Variants in SLF1 observed in about 807,000 individuals in gnomAD.
SLF1 encodes the protein SMC5/6 complex localization factor 1.
SLF1 carries 105 observed loss-of-function variants against 123.0 expected under a neutral mutation model. The observed-to-expected ratio is 0.85, with a 90% CI of 0.73 to 1.00. The LOEUF (loss-of-function observed/expected upper bound fraction) is 1.00. Among genes scored for constraint, SLF1 ranks in the 50% least tolerant of loss-of-function variants. The probability of loss-of-function intolerance (pLI) is 0.00; values close to 1 mark genes in which losing one functional copy is unlikely to be tolerated. For synonymous variants in SLF1, 434 were observed against 406.6 expected, an observed-to-expected ratio of 1.07 and a Z score of -0.81; for missense variants, 1,239 against 1,223.0, an observed-to-expected ratio of 1.01 and a Z score of -0.20.
chr5:94,695,321 G>T lies in SLF1; in HGVS notation c.*9G>T. Reference sequence around the variant, plus strand: ...TCATGGAGTTTTCATGATGATGCTAGAAAGTATGGATTGACTTTCTAAATC... The same window carrying T: ...TCATGGAGTTTTCATGATGATGCTATAAAGTATGGATTGACTTTCTAAATC... On this transcript the variant is annotated 3_prime_UTR_variant, in exon 21 of 21. Coordinates refer to ENST00000265140, the MANE Select transcript of SLF1 (RefSeq NM_032290.4). 6.3e-7 allele frequency: 1 copy of T among 1,593,422 alleles called. No individual in the cohort carries two copies. Among genetic ancestry groups the T allele is most frequent in the South Asian group, 1.1e-5 (1 of 87,736 alleles).
chr5:94,643,248 T>A, intron 4 of SLF1, 25 bp from the exon 5 acceptor site: 1 of 1,474,290 alleles, frequency 6.8e-7, no homozygotes, highest in African/African-American at 1.4e-5. Context: ...TCTAATACTT[T>A]TATACCATTT....
intron 5 of SLF1, among the ~76,000 whole-genome samples, chr5:94,645,481 G>C (rs1197058983): frequency 6.6e-6 from 1 of 152,158 alleles, no homozygotes; most frequent in Non-Finnish European, 1.5e-5. Context: ...CACATTATCT[G>C]ATAGACCGCT....
intron 5 of SLF1, among the ~76,000 whole-genome samples, chr5:94,648,376 C>G (rs929040757): frequency 6.6e-6 from 1 of 152,178 alleles, no homozygotes; most frequent in African/African-American, 2.4e-5. Flanking sequence ...TGAGAGGGAA[C>G]TAAAGATCAC....
intron 9 of SLF1, among the ~76,000 whole-genome samples, chr5:94,660,252 C>G (rs889445228): frequency 6.6e-6 from 1 of 152,118 alleles, no homozygotes; most frequent in Non-Finnish European, 1.5e-5. Flanking sequence ...AGGCTGCATG[C>G]AGGTCTAATC....
chr5:94,656,975 G>A (rs934729552), intron 9 of SLF1, among the ~76,000 whole-genome samples: 6 of 148,602 alleles, frequency 4.0e-5, no homozygotes, highest in Admixed American at 4.0e-4. Context: ...ATTTTGTTTC[G>A]TTCTGCTCTT....
At chr5:94,670,311 T>C (rs980991868) in intron 13 of SLF1, 32 bp downstream of exon 13, 19 of 1,416,736 alleles carry the variant, frequency 1.3e-5, no homozygotes, top group Non-Finnish European at 1.7e-5. Flanking sequence ...AACACTTTTC[T>C]AAATTTTGGT....
At chr5:94,685,013 C>T (rs943634666) in intron 15 of SLF1, among the ~76,000 whole-genome samples, 3 of 152,214 alleles carry the variant, frequency 2.0e-5, no homozygotes, top group African/African-American at 7.2e-5. Flanking sequence ...AATAGCATCC[C>T]TTTCCCCAAT....
chr5:94,642,775 T>C (rs1160495901), intron 4 of SLF1, among the ~76,000 whole-genome samples: 1 of 152,136 alleles, frequency 6.6e-6, no homozygotes, highest in Non-Finnish European at 1.5e-5. Context: ...TCTAATTTTA[T>C]TTTTTTATTT....
At chr5:94,693,042 G>A (rs960450624) in intron 20 of SLF1, among the ~76,000 whole-genome samples, 18 of 152,004 alleles carry the variant, frequency 1.2e-4, no homozygotes, top group African/African-American at 4.1e-4. Flanking sequence ...ATTACTTGTC[G>A]TTTTTATTTG....
At chr5:94,681,473 AT>A (rs1413338676) in intron 15 of SLF1, among the ~76,000 whole-genome samples, 1 of 152,004 alleles carries the variant, frequency 6.6e-6, no homozygotes, top group Non-Finnish European at 1.5e-5. Flanking sequence ...TCAAATTAAT[AT>A]TTTTCTATTT....
At chr5:94,638,526 C>T (rs1196934283) in intron 4 of SLF1, among the ~76,000 whole-genome samples, 2 of 152,196 alleles carry the variant, frequency 1.3e-5, no homozygotes, top group East Asian at 1.9e-4. Context: ...TGTGCCATTA[C>T]CCCTTGTCCT....
intron 10 of SLF1, among the ~76,000 whole-genome samples, 161 bp from the exon 11 acceptor site, chr5:94,663,589 G>A (rs953560812): frequency 2.6e-5 from 4 of 152,224 alleles, no homozygotes; most frequent in African/African-American, 9.6e-5. Flanking sequence ...GGTTGCAAGT[G>A]AGCCGAGATC....
chr5:94,672,346 C>T (rs1041886593), intron 14 of SLF1, among the ~76,000 whole-genome samples: 3 of 152,028 alleles, frequency 2.0e-5, no homozygotes, highest in Non-Finnish European at 4.4e-5. Flanking sequence ...TTCCTCAGAT[C>T]CATTTTCTCT....
chr5:94,660,366 G>T (rs1748940788), intron 9 of SLF1, among the ~76,000 whole-genome samples: 1 of 152,168 alleles, frequency 6.6e-6, no homozygotes, highest in South Asian at 2.1e-4. Flanking sequence ...GTTGCAGTAG[G>T]CCAGGTAGGC....
At position 94,629,132 on chromosome 5, in the gene SLF1, G is replaced by A; in HGVS notation, c.155G>A (p.Cys52Tyr). 6.5e-7 allele frequency: 1 copy of A among 1,548,720 alleles called. No homozygotes were observed. Among genetic ancestry groups the A allele is most frequent in the Non-Finnish European group, 8.7e-7 (1 of 1,145,948 alleles). ...ACACATCTTATAGCTGAACGCCTAT[G>A]TAAGAGTGAAAAATTTTTAGCAGCT... ...NCTHLIAERL[C>Y]KSEKFLAACA... Residue 52 changes from cysteine to tyrosine, a missense_variant, in exon 3 of 21, where the codon TGT becomes TAT. Coordinates refer to ENST00000265140, the MANE Select transcript of SLF1 (RefSeq NM_032290.4).
Position 94,686,656 on chromosome 5 carries a change from A to G in SLF1, c.2059A>G (p.Lys687Glu). 6.2e-7 allele frequency: 1 copy of G among 1,614,130 alleles called. No individual in the cohort carries two copies. Among genetic ancestry groups the G allele is most frequent in the Non-Finnish European group, 8.5e-7 (1 of 1,179,984 alleles). ...LQMFVAEAVF[K>E]KLCLQSSGSV... ...AATGTTTGTTGCAGAGGCAGTCTTT[A>G]AAAAGTTGTGTCTACAGAGCTCTGG... The change falls in exon 16 of 21, where the codon AAA becomes GAA. Residue 687 changes from lysine to glutamate, a missense_variant. Coordinates refer to ENST00000265140, the MANE Select transcript of SLF1 (RefSeq NM_032290.4).
intron 16 of SLF1, among the ~76,000 whole-genome samples, chr5:94,687,143 G>T (rs996561922): frequency 3.3e-5 from 5 of 152,202 alleles, no homozygotes; most frequent in African/African-American, 1.2e-4. Context: ...TTTCAATTCT[G>T]TATAAAAGCT....
At chr5:94,626,536 C>A (rs998530613) in intron 1 of SLF1, among the ~76,000 whole-genome samples, 2 of 152,076 alleles carry the variant, frequency 1.3e-5, no homozygotes, top group Admixed American at 6.6e-5. Context: ...CCTCTTTGCC[C>A]CTTTTGCAGC....
chr5:94,672,455 C>G (rs1585199920), intron 14 of SLF1, among the ~76,000 whole-genome samples: 1 of 151,568 alleles, frequency 6.6e-6, no homozygotes, highest in Admixed American at 6.6e-5. Context: ...CTCTCTCTCC[C>G]TCTTTCTCTC....
Sources: allele counts gnomAD v4.1 joint callset (sites outside exome capture counted in the v4.1 genomes callset), GRCh38; gene constraint gnomAD v4.1.1; transcripts MANE v1.5; gene names NCBI Gene and HGNC (gene_info 2026-07-23, HGNC 2026-07-21).